The following TGFB2 variants were observed in gnomAD, a reference collection of about 807,000 sequenced individuals.
TGFB2 encodes the protein transforming growth factor beta 2, also known as transforming growth factor beta-2 proprotein.
A neutral mutation model predicts 42.7 loss-of-function variants in TGFB2; 13 were observed. That is an observed-to-expected ratio of 0.30 (90% CI 0.20 to 0.48). The LOEUF (loss-of-function observed/expected upper bound fraction) is 0.48, where lower values mean the gene tolerates loss of function less well. Among genes scored for constraint, TGFB2 ranks in the 20% least tolerant of loss-of-function variants. The pLI is 0.99. For synonymous variants in TGFB2, 193 were observed against 193.6 expected (o/e 1.00, Z 0.03); for missense variants, 390 against 517.5 (o/e 0.75, Z 2.39).
intron 1 of TGFB2, among the ~76,000 whole-genome samples, chr1:218,371,501 A>T (rs1044945808): frequency 7.2e-5 from 11 of 152,180 alleles, no homozygotes; most frequent in Non-Finnish European, 8.8e-5. Flanking sequence ...CATTAATGCC[A>T]TTCTCCTCCA....
intron 2 of TGFB2, among the ~76,000 whole-genome samples, chr1:218,423,150 A>T (rs1659510904): frequency 6.6e-6 from 1 of 152,154 alleles, no homozygotes; most frequent in Non-Finnish European, 1.5e-5. Context: ...TCTGCCTGAG[A>T]GAAAATCTTG....
intron 4 of TGFB2, among the ~76,000 whole-genome samples, chr1:218,435,318 G>T (rs370631812): frequency 2.6e-5 from 4 of 152,202 alleles, no homozygotes; most frequent in African/African-American, 4.8e-5. Flanking sequence ...GGAGTGTGGA[G>T]ATTAAATGCT....
intron 2 of TGFB2, among the ~76,000 whole-genome samples, chr1:218,428,219 A>C (rs1369977864): frequency 6.6e-6 from 1 of 152,144 alleles, no homozygotes; most frequent in Non-Finnish European, 1.5e-5. Context: ...AGTTCTTTGT[A>C]GATTCTGGAT....
rs188569664 is a variant in TGFB2, at chr1:218,348,158, A to G, written c.346+1111A>G. Among the ~76,000 whole-genome samples, 1,060 of 152,184 alleles carry G rather than the reference A, an allele frequency of 7.0e-3. 15 individuals are homozygous for G. Among genetic ancestry groups the G allele is most frequent in the African/African-American group, 0.024 (993 of 41,514 alleles). Reference sequence around the variant, plus strand: ...GTTAAATACCAGGAAGAAGAAAAAGAAAAGTGGGGGCGGGGTGGGGGGAAC... The same window carrying G: ...GTTAAATACCAGGAAGAAGAAAAAGGAAAGTGGGGGCGGGGTGGGGGGAAC... On this transcript the variant is annotated intron_variant, in intron 1 of 6. Transcript: ENST00000366930.
intron 2 of TGFB2, among the ~76,000 whole-genome samples, chr1:218,425,397 C>T (rs1490297322): frequency 2.0e-5 from 3 of 151,850 alleles, no homozygotes; most frequent in East Asian, 1.9e-4. Flanking sequence ...TTAGTAGAGA[C>T]GGGATTTCAC....
chr1:218,435,871 C>A, intron 4 of TGFB2, 99 bp from the exon 5 acceptor site: 1 of 1,213,802 alleles, frequency 8.2e-7, no homozygotes, highest in Non-Finnish European at 1.2e-6. Flanking sequence ...TGGTGGTCAT[C>A]ACTGCTATTT....
At chr1:218,394,326 T>C (rs888714421) in intron 1 of TGFB2, among the ~76,000 whole-genome samples, 14 of 152,020 alleles carry the variant, frequency 9.2e-5, no homozygotes, top group Non-Finnish European at 1.8e-4. Context: ...TGATGAGGAA[T>C]GTAGAGGAAC....
At chr1:218,430,244 AT>A (rs908573001) in intron 2 of TGFB2, among the ~76,000 whole-genome samples, 3 of 152,024 alleles carry the variant, frequency 2.0e-5, no homozygotes, top group Non-Finnish European at 4.4e-5. Context: ...AATATAAAAA[AT>A]TAGCCGGGCA....
intron 1 of TGFB2, among the ~76,000 whole-genome samples, chr1:218,385,501 T>C (rs1171569734): frequency 1.3e-5 from 2 of 152,204 alleles, no homozygotes; most frequent in East Asian, 3.9e-4. Flanking sequence ...TGGCCATCCT[T>C]GGTGTATAAG....
In TGFB2 at chr1:218,429,016, TGTCAGCCAGGCTGGA is replaced by T. The variant is rs1659720262; in HGVS notation, c.511-5063_511-5049del. Among the ~76,000 whole-genome samples the T allele has an allele frequency of 2.1e-5, 3 of 143,956 alleles. No homozygotes were observed. In the South Asian group the frequency reaches 7.0e-4, roughly 34 times the overall value. 94.4% of individuals were successfully genotyped at this position (143,956 alleles called of 152,430 possible). A position where few individuals can be genotyped will look rare whatever the true frequency, so the allele number is the denominator to read the frequency against. ...TTTTTTCTGAGACAGAGTCTTGCTC[TGTCAGCCAGGCTGGA>T]GTGCAGTGGCACGATCTCAGCTCAC... On this transcript the variant is annotated intron_variant, in intron 2 of 6. Coordinates refer to ENST00000366930, the MANE Select transcript of TGFB2 (RefSeq NM_003238.6).
intron 1 of TGFB2, among the ~76,000 whole-genome samples, chr1:218,401,435 C>T (rs1658716081): frequency 6.6e-6 from 1 of 152,030 alleles, no homozygotes; most frequent in African/African-American, 2.4e-5. Flanking sequence ...CTTCTATGTG[C>T]AAAATTTTCC....
chr1:218,361,650 T>A (rs1252220630), intron 1 of TGFB2, among the ~76,000 whole-genome samples: 1 of 152,234 alleles, frequency 6.6e-6, no homozygotes, highest in Non-Finnish European at 1.5e-5. Context: ...TCTCTGGTTG[T>A]ATTCTTTGAG....
intron 1 of TGFB2, 62 bp downstream of exon 1, chr1:218,347,109 G>T: frequency 6.9e-7 from 1 of 1,459,814 alleles, no homozygotes; most frequent in Non-Finnish European, 9.2e-7. Context: ...TCTCAAAACC[G>T]CAGCAGCTCC....
intron 1 of TGFB2, among the ~76,000 whole-genome samples, chr1:218,383,875 TG>T (rs1304622959): frequency 4.6e-5 from 7 of 152,218 alleles, no homozygotes; most frequent in African/African-American, 1.4e-4. Flanking sequence ...AGAGTAAACA[TG>T]TACTGACAAA....
chr1:218,370,780 A>G (rs145736301), intron 1 of TGFB2, among the ~76,000 whole-genome samples: 1 of 152,156 alleles, frequency 6.6e-6, no homozygotes. Context: ...TGCTGACCTC[A>G]TGGCAGAACC....
intron 2 of TGFB2, among the ~76,000 whole-genome samples, chr1:218,428,484 C>T (rs1374273413): frequency 6.6e-6 from 1 of 152,152 alleles, no homozygotes; most frequent in Non-Finnish European, 1.5e-5. Flanking sequence ...ACATTTAAGT[C>T]TTTAATCCAT....
intron 1 of TGFB2, among the ~76,000 whole-genome samples, chr1:218,395,559 A>C (rs1658478242): frequency 6.6e-6 from 1 of 151,826 alleles, no homozygotes; most frequent in Non-Finnish European, 1.5e-5. Context: ...CTTCGACTTT[A>C]GCCCAAAGTT....
At chr1:218,358,015 C>T (rs986944151) in intron 1 of TGFB2, among the ~76,000 whole-genome samples, 4 of 152,200 alleles carry the variant, frequency 2.6e-5, no homozygotes, top group African/African-American at 7.2e-5. Context: ...CTAACCCACA[C>T]GACACTGACA....
At chr1:218,361,695 T>C (rs1657216307) in intron 1 of TGFB2, among the ~76,000 whole-genome samples, 1 of 152,258 alleles carries the variant, frequency 6.6e-6, no homozygotes, top group South Asian at 2.1e-4. Context: ...CATCTCTTTT[T>C]AAAGGTCAGA....
Sources: gnomAD v4.1 joint callset for allele counts (sites outside exome capture counted in the v4.1 genomes callset) on GRCh38, gnomAD v4.1.1 for gene constraint, MANE v1.5 for transcripts, NCBI Gene and HGNC (gene_info 2026-07-23, HGNC 2026-07-21) for gene names.